The following ABCA13 variants were observed in gnomAD, a reference collection of about 807,000 sequenced individuals.
ABCA13 encodes ATP binding cassette subfamily A member 13.
A neutral mutation model predicts 478.7 loss-of-function variants in ABCA13; 476 were observed. The observed-to-expected ratio is 0.99, with a 90% CI of 0.92 to 1.07. The LOEUF (loss-of-function observed/expected upper bound fraction) is 1.07. Ranked by LOEUF, ABCA13 falls within the 50% of genes least tolerant of loss-of-function variation. The pLI is 0.00. For synonymous variants in ABCA13, 2,252 were observed against 2,158.9 expected (o/e 1.04, Z -1.20); for missense variants, 6,060 against 5,910.6 (o/e 1.03, Z -0.83).
intron 42 of ABCA13, among the ~76,000 whole-genome samples, chr7:48,446,923 G>T (rs1350830023): frequency 1.3e-5 from 2 of 152,182 alleles, no homozygotes; most frequent in Non-Finnish European, 2.9e-5. Flanking sequence ...AAATAAAATG[G>T]AATTGAAATA....
In ABCA13 at chr7:48,295,711, G is replaced by T. The variant is rs1799261774; in HGVS notation, c.8967G>T (p.Lys2989Asn). ...GCTATGTTTTCTAGGAAATTGAAAA[G>T]ATATGGTCCTCGCCGAATCAGCTAA... ...LAQDHFQEIE[K>N]IWSSPNQLNC... Residue 2989 changes from lysine to asparagine, a missense_variant, in exon 21 of 62, where the codon AAG (lysine) becomes AAT (asparagine). By Grantham distance (94) the Lys-to-Asn change is moderately conservative (BLOSUM62 0). Around this residue, in one of 3 missense-constraint regions of ABCA13, gnomAD observed 4,423 missense variants for 4,309.1 expected, o/e 1.03. Coordinates refer to ENST00000435803, the MANE Select transcript of ABCA13 (RefSeq NM_152701.5). 11 of 1,613,916 alleles carry T rather than the reference G, an allele frequency of 6.8e-6. No homozygotes were observed. Among genetic ancestry groups the T allele is most frequent in the Non-Finnish European group, 9.3e-6 (11 of 1,179,910 alleles).
intron 43 of ABCA13, among the ~76,000 whole-genome samples, chr7:48,462,185 C>G (rs1229133860): frequency 1.3e-5 from 2 of 151,236 alleles, no homozygotes; most frequent in Non-Finnish European, 2.9e-5. Context: ...GGAAGTCTAG[C>G]AGAAGCCTTG....
rs895831055 is a variant in ABCA13, at chr7:48,305,620, T to C, written c.9322-4327T>C. On this transcript the variant is annotated intron_variant, in intron 23 of 61. Transcript: ENST00000435803. ...CCCATGCTTTCCCAACCTCTGAGTC[T>C]ACAATGAGCAGCTGGGCAACATGGA... 6.6e-5 allele frequency among the ~76,000 whole-genome samples: 10 copies of C among 152,278 alleles called. No homozygotes were observed. In the South Asian group the frequency reaches 1.9e-3, roughly 28 times the overall value.
At chr7:48,301,016 G>C (rs1356414968) in intron 23 of ABCA13, among the ~76,000 whole-genome samples, 1 of 152,222 alleles carries the variant, frequency 6.6e-6, no homozygotes, top group African/African-American at 2.4e-5. Flanking sequence ...CAAATAGATT[G>C]AGAGAGCAAT....
Position 48,278,055 on chromosome 7 carries a change from AAAATT to A in ABCA13, c.6900-30_6900-26del, listed in dbSNP as rs1399698311. ...TAATATTTCCACTGTTAATGTATTAAAAATTAAATTAAAAGTATATATATATATAT... is the reference window on the plus strand; with the variant it reads ...TAATATTTCCACTGTTAATGTATTAAAAATTAAAAGTATATATATATATAT... On this transcript the variant is annotated intron_variant, in intron 17 of 61. Coordinates refer to ENST00000435803, the MANE Select transcript of ABCA13 (RefSeq NM_152701.5). The A allele has an allele frequency of 1.1e-5, 8 of 750,596 alleles. No homozygotes were observed. In the South Asian group the frequency reaches 2.1e-4, roughly 19 times the overall value. The allele number at this position is 750,596 out of a possible 1,614,324, so 46.5% of individuals were successfully genotyped here.
intron 24 of ABCA13, among the ~76,000 whole-genome samples, chr7:48,310,865 C>T (rs2128881693): frequency 6.6e-6 from 1 of 152,302 alleles, no homozygotes; most frequent in South Asian, 2.1e-4. Context: ...TAGCTCCAAA[C>T]CACAGCTCAC....
chr7:48,315,287 T>A (rs1002591758), intron 26 of ABCA13, among the ~76,000 whole-genome samples: 6 of 152,202 alleles, frequency 3.9e-5, no homozygotes, highest in Non-Finnish European at 7.3e-5. Flanking sequence ...ATTTGTCATC[T>A]CATAATTTCT....
chr7:48,638,559 A>G (rs573617752), intron 59 of ABCA13, among the ~76,000 whole-genome samples: 1 of 152,326 alleles, frequency 6.6e-6, no homozygotes, highest in East Asian at 1.9e-4. Context: ...CTTTATGTTA[A>G]TACCTTGGGT....
Position 48,260,551 on chromosome 7 carries a change from C to T in ABCA13, c.2006-8429C>T, listed in dbSNP as rs1160613600. Among the ~76,000 whole-genome samples the T allele has an allele frequency of 2.6e-5, 4 of 151,992 alleles. No individual in the cohort carries two copies. In the East Asian group the frequency reaches 5.8e-4, roughly 22 times the overall value. On this transcript the variant is annotated intron_variant, in intron 15 of 61. Transcript: ENST00000435803. Reference sequence around the variant, plus strand: ...TTAATTTTGTGGGGAATCAGGATCACATATTCTTTCTTGCACACTGTTCTA... The same window carrying T: ...TTAATTTTGTGGGGAATCAGGATCATATATTCTTTCTTGCACACTGTTCTA...
chr7:48,191,249 T>C (rs939251972), intron 1 of ABCA13, among the ~76,000 whole-genome samples: 1 of 152,206 alleles, frequency 6.6e-6, no homozygotes, highest in Middle Eastern at 3.2e-3. Context: ...TTAATTGTGG[T>C]CCCTTGAACC....
intron 38 of ABCA13, among the ~76,000 whole-genome samples, chr7:48,393,419 G>A (rs1206807920): frequency 2.0e-5 from 3 of 152,314 alleles, no homozygotes; most frequent in African/African-American, 7.2e-5. Flanking sequence ...GAGTGTGTGG[G>A]GAAGGGGCCC....
chr7:48,273,186 T>G lies in ABCA13; in HGVS notation c.3520T>G (p.Ser1174Ala). ...LFKFDMNVFT[S>A]LHHGFTQLLD... ...TAAGTTTGACATGAATGTTTTCACA[T>G]CTCTTCATCATGGTTTCACTCAGCT... Residue 1174 changes from serine to alanine, a missense_variant, in exon 17 of 62, where the codon TCT becomes GCT. Around this residue, in one of 3 missense-constraint regions of ABCA13, gnomAD observed 4,423 missense variants for 4,309.1 expected, o/e 1.03. Coordinates refer to ENST00000435803, the MANE Select transcript of ABCA13 (RefSeq NM_152701.5). The G allele has an allele frequency of 1.2e-6, 2 of 1,613,702 alleles. No homozygotes were observed. The highest frequency in any genetic ancestry group is 1.7e-6 in the Non-Finnish European group (2 of 1,179,754).
At chr7:48,287,609 C>T (rs958123244) in intron 19 of ABCA13, among the ~76,000 whole-genome samples, 1 of 152,110 alleles carries the variant, frequency 6.6e-6, no homozygotes, top group African/African-American at 2.4e-5. Context: ...TGACAGAGGG[C>T]ACTGTTCATA....
At chr7:48,224,855 C>T (rs1468522866) in intron 5 of ABCA13, among the ~76,000 whole-genome samples, 1 of 152,184 alleles carries the variant, frequency 6.6e-6, no homozygotes, top group Non-Finnish European at 1.5e-5. Context: ...ATCGCTGCAG[C>T]ATTCTTTCCA....
chr7:48,329,410 G>A (rs147807455), intron 27 of ABCA13, among the ~76,000 whole-genome samples: 1 of 152,280 alleles, frequency 6.6e-6, no homozygotes, highest in African/African-American at 2.4e-5. Context: ...AGGACATAGG[G>A]CATTATAATT....
At chr7:48,311,776 C>A (rs540612776) in intron 24 of ABCA13, among the ~76,000 whole-genome samples, 40 of 152,152 alleles carry the variant, frequency 2.6e-4, no homozygotes, top group Non-Finnish European at 1.5e-4. Flanking sequence ...TAGGGCAGCC[C>A]GACCTCCATG....
intron 43 of ABCA13, among the ~76,000 whole-genome samples, chr7:48,465,383 C>A (rs1826757311): frequency 6.6e-6 from 1 of 152,142 alleles, no homozygotes; most frequent in Non-Finnish European, 1.5e-5. Context: ...TACATTTCCA[C>A]CTCAGACCTT....
At chr7:48,472,303 A>T (rs1454606852) in intron 45 of ABCA13, among the ~76,000 whole-genome samples, 1 of 152,216 alleles carries the variant, frequency 6.6e-6, no homozygotes, top group South Asian at 2.1e-4. Context: ...ACGTGTTTAC[A>T]GGGCCTTCCT....
chr7:48,183,049 G>A (rs1288482813), intron 1 of ABCA13, among the ~76,000 whole-genome samples: 1 of 152,110 alleles, frequency 6.6e-6, no homozygotes, highest in African/African-American at 2.4e-5. Context: ...AAAGCCCTTT[G>A]TTTCCAAAGA....
Sources: allele counts gnomAD v4.1 joint callset (sites outside exome capture counted in the v4.1 genomes callset), GRCh38; gene constraint gnomAD v4.1.1; regional missense constraint gnomAD v4.1.1; transcripts MANE v1.5; gene names NCBI Gene and HGNC (gene_info 2026-07-23, HGNC 2026-07-21).